Variants in EIF2D observed in about 807,000 individuals in gnomAD.
EIF2D encodes hepatocellular carcinoma-associated antigen 56.
In EIF2D, 56 loss-of-function variants were observed where a neutral mutation model predicts 77.4. That is an observed-to-expected ratio of 0.72 (90% CI 0.58 to 0.90). EIF2D has a LOEUF of 0.90. Ranked by LOEUF, EIF2D falls within the 40% of genes least tolerant of loss-of-function variation. EIF2D has a pLI of 0.00. For synonymous variants in EIF2D, 230 were observed against 271.0 expected, an observed-to-expected ratio of 0.85 and a Z score of 1.49; for missense variants, 574 against 706.5, an observed-to-expected ratio of 0.81 and a Z score of 2.13.
At position 206,599,316 on chromosome 1, in the gene EIF2D, G is replaced by T; in HGVS notation, c.1202+147C>A. ...TTTAGTCCAGAGGAACTTGCCCAGG[G>T]AAGAAGGCTGGAAGCTGGATTTTGG... On this transcript the variant is annotated intron_variant, in intron 10 of 14. Coordinates refer to ENST00000271764, the MANE Select transcript of EIF2D (RefSeq NM_006893.3). This position sits in a 1 kb window ranked among gnomAD's most constrained non-coding sequence, Gnocchi z 4.1. The T allele has an allele frequency of 8.7e-7, 1 of 1,152,742 alleles. No homozygotes were observed. The highest frequency in any genetic ancestry group is 1.2e-6 in the Non-Finnish European group (1 of 808,770). The allele number at this position is 1,152,742 out of a possible 1,614,324, so 71.4% of individuals were successfully genotyped here.
chr1:206,578,860 T>C (rs1553405685), intron 4 of EIF2D, among the ~76,000 whole-genome samples: 1 of 152,158 alleles, frequency 6.6e-6, no homozygotes, highest in African/African-American at 2.4e-5. Context: ...AGATTACATA[T>C]GTCATTGATT....
intron 14 of EIF2D, 132 bp from the exon 15 acceptor site, chr1:206,591,977 C>T: frequency 1.3e-6 from 1 of 784,434 alleles, no homozygotes. Context: ...ACCACTTACG[C>T]CTACACCTCA....
chr1:206,582,293 C>G (rs1668920999), intron 2 of EIF2D, among the ~76,000 whole-genome samples: 1 of 152,142 alleles, frequency 6.6e-6, no homozygotes, highest in Admixed American at 6.5e-5. Flanking sequence ...ACTTATCCTT[C>G]CCAGGGGGTG....
At chr1:206,601,049 G>C (rs1426080142) in intron 7 of EIF2D, 1 of 152,102 alleles carries the variant, frequency 6.6e-6, no homozygotes, top group African/African-American at 2.4e-5. Flanking sequence ...GTGGATTCTC[G>C]AGGAGTCCTT....
At chr1:206,575,883 T>A (rs1668622234) in intron 4 of EIF2D, among the ~76,000 whole-genome samples, 1 of 152,208 alleles carries the variant, frequency 6.6e-6, no homozygotes, top group Non-Finnish European at 1.5e-5. Flanking sequence ...AAGCCTGGTG[T>A]GTGTTCTTGG....
exon 6 of EIF2D, chr1:206,571,303 G>T (rs972467275): frequency 1.3e-5 from 2 of 150,450 alleles, no homozygotes; most frequent in Non-Finnish European, 3.0e-5. Flanking sequence ...TTGTATTGTG[G>T]TAGTTTATAT....
At chr1:206,610,846 C>A (rs1271661393) in intron 2 of EIF2D, among the ~76,000 whole-genome samples, 1 of 152,180 alleles carries the variant, frequency 6.6e-6, no homozygotes, top group African/African-American at 2.4e-5. Context: ...GAAATTCCAT[C>A]CTTTTCAAGA....
chr1:206,598,212 A>AT (rs1353117335), intron 11 of EIF2D, among the ~76,000 whole-genome samples: 8 of 152,024 alleles, frequency 5.3e-5, no homozygotes, highest in Admixed American at 2.6e-4. Context: ...TAATTTTTGT[A>AT]TTTTTTGTAG....
At chr1:206,591,982 A>C in intron 14 of EIF2D, 137 bp from the exon 15 acceptor site, 1 of 744,556 alleles carries the variant, frequency 1.3e-6, no homozygotes, top group Non-Finnish European at 2.4e-6. Context: ...TTACGCCTAC[A>C]CCTCACAGCT....
At chr1:206,606,297 C>T (rs2102301059) in intron 4 of EIF2D, among the ~76,000 whole-genome samples, 3 of 152,300 alleles carry the variant, frequency 2.0e-5, no homozygotes, top group Admixed American at 2.0e-4. Context: ...GCTAACTGTA[C>T]CTATAGGTCA....
At chr1:206,576,995 G>C (rs1668682225) in intron 4 of EIF2D, among the ~76,000 whole-genome samples, 1 of 145,250 alleles carries the variant, frequency 6.9e-6, no homozygotes, top group Non-Finnish European at 1.5e-5. Context: ...TTTTTTTGTA[G>C]AGACAGGGTC....
intron 2 of EIF2D, chr1:206,585,270 A>T: frequency 6.2e-7 from 1 of 1,614,126 alleles, no homozygotes; most frequent in South Asian, 1.1e-5. Flanking sequence ...TTTGTGCTAA[A>T]GGAGAATGAA....
intron 2 of EIF2D, chr1:206,583,319 G>A (rs1668969376): frequency 2.5e-6 from 4 of 1,613,848 alleles, no homozygotes; most frequent in South Asian, 2.2e-5. Flanking sequence ...CACTGCAGGA[G>A]ATCAAGCAGA....
chr1:206,603,041 C>A lies in EIF2D; in HGVS notation c.694G>T (p.Ala232Ser). 1 of 1,614,154 alleles carries A rather than the reference C, an allele frequency of 6.2e-7. No homozygotes were observed. Among genetic ancestry groups the A allele is most frequent in the Non-Finnish European group, 8.5e-7 (1 of 1,180,030 alleles). Residue 232 changes from alanine (A) to serine (S), a missense_variant, in exon 6 of 15, where the codon GCA becomes TCA. Coordinates refer to ENST00000271764, the MANE Select transcript of EIF2D (RefSeq NM_006893.3). ...GEEENGEVHQ[A>S]REDKSLSEAP... The stretch of plus-strand genomic sequence containing the variant: ...TCTGAGAGAGACTTGTCTTCACGTG[C>A]CTGGTGAACCTCCCCATTCTCCTCT...
chr1:206,611,420 T>C (rs1553413998), intron 1 of EIF2D, 46 bp from the exon 2 acceptor site: 1 of 1,523,200 alleles, frequency 6.6e-7, no homozygotes, highest in East Asian at 2.3e-5. Context: ...GGACAGACTT[T>C]TAATAAATAT....
chr1:206,609,273 T>G (rs1266718063), intron 3 of EIF2D, 103 bp downstream of exon 3: 4 of 1,222,970 alleles, frequency 3.3e-6, no homozygotes, highest in Non-Finnish European at 4.7e-6. Context: ...AAAATTCCAT[T>G]TTTCAACCAC....
chr1:206,608,176 C>T (rs1670288688), intron 4 of EIF2D, 60 bp downstream of exon 4: 5 of 1,500,776 alleles, frequency 3.3e-6, no homozygotes, highest in Non-Finnish European at 4.6e-6. Flanking sequence ...TTGTCATTCC[C>T]CTCCAACTTC....
At position 206,599,203 on chromosome 1, in the gene EIF2D, C is replaced by G. The variant is rs1669800933; in HGVS notation, c.1203-111G>C. 9.4e-7 allele frequency: 1 copy of G among 1,066,020 alleles called. No homozygotes were observed. The highest frequency in any genetic ancestry group is 1.6e-5 in the African/African-American group (1 of 62,882). The allele number at this position is 1,066,020 out of a possible 1,614,324, so 66.0% of individuals were successfully genotyped here. ...CAGGGAACTTTCCTTAGCTTTCGGC[C>G]TCTAGTTTCTTCCCTTTTCCTGACT... On this transcript the variant is annotated intron_variant, in intron 10 of 14. Transcript: ENST00000271764. The surrounding 1 kb of genome is among the most constrained non-coding windows in gnomAD (Gnocchi z 4.1).
chr1:206,588,928 T>C (rs1288842579), downstream of EIF2D: 1 of 152,686 alleles, frequency 6.5e-6, no homozygotes, highest in Middle Eastern at 3.2e-3. Flanking sequence ...TCTATGGGGA[T>C]GGCTATTTTA....
Sources: allele counts gnomAD v4.1 joint callset (sites outside exome capture counted in the v4.1 genomes callset), GRCh38; gene constraint gnomAD v4.1.1; non-coding constraint Gnocchi (gnomAD v3.1); transcripts MANE v1.5; gene names NCBI Gene and HGNC (gene_info 2026-07-23, HGNC 2026-07-21).